Variants in RHBDD1 observed in about 807,000 individuals in gnomAD.
RHBDD1 encodes the protein rhomboid-related protein 4.
In RHBDD1, 38 loss-of-function variants were observed where a neutral mutation model predicts 36.3. That is an observed-to-expected ratio of 1.05 (90% CI 0.81 to 1.37). The LOEUF is 1.37. Ranked by LOEUF, RHBDD1 falls within the 40% of genes most tolerant of loss-of-function variation. The pLI, the probability that RHBDD1 is intolerant of heterozygous loss-of-function variation, is 0.00. For synonymous variants in RHBDD1, 151 were observed against 136.5 expected, an observed-to-expected ratio of 1.11 and a Z score of -0.74; for missense variants, 393 against 377.6, an observed-to-expected ratio of 1.04 and a Z score of -0.34.
intron 8 of RHBDD1, among the ~76,000 whole-genome samples, chr2:226,948,512 A>G (rs1429547469): frequency 2.0e-5 from 3 of 148,788 alleles, no homozygotes; most frequent in Non-Finnish European, 4.5e-5. Context: ...GCACATGTAT[A>G]CATATGTAAC....
chr2:226,869,558 A>G (rs1326588050), intron 5 of RHBDD1, among the ~76,000 whole-genome samples: 1 of 152,116 alleles, frequency 6.6e-6, no homozygotes, highest in Non-Finnish European at 1.5e-5. Flanking sequence ...CTTCGGGAGG[A>G]AAAAAAATCT....
At chr2:226,878,134 G>A (rs1945400337) in intron 5 of RHBDD1, among the ~76,000 whole-genome samples, 1 of 152,202 alleles carries the variant, frequency 6.6e-6, no homozygotes, top group Admixed American at 6.5e-5. Context: ...CGGGAAGACT[G>A]CTTAGCTTGT....
intron 8 of RHBDD1, among the ~76,000 whole-genome samples, chr2:226,918,329 T>A (rs1468156751): frequency 6.6e-6 from 1 of 151,998 alleles, no homozygotes; most frequent in Admixed American, 6.6e-5. Flanking sequence ...TTACAAACAA[T>A]CCAGTTCTAC....
At chr2:226,933,455 A>G (rs578232728) in intron 8 of RHBDD1, among the ~76,000 whole-genome samples, 4 of 152,180 alleles carry the variant, frequency 2.6e-5, no homozygotes, top group East Asian at 1.9e-4. Context: ...GAATTTCTTT[A>G]TATCATAGCC....
intron 8 of RHBDD1, among the ~76,000 whole-genome samples, chr2:226,981,144 A>G (rs1277913636): frequency 6.6e-6 from 1 of 151,976 alleles, no homozygotes; most frequent in Non-Finnish European, 1.5e-5. Context: ...GCATGTTCTC[A>G]CTCATAGGTG....
intron 3 of RHBDD1, 54 bp from the exon 4 acceptor site, chr2:226,864,550 T>C: frequency 1.5e-6 from 1 of 683,206 alleles, no homozygotes. Flanking sequence ...GAGTATGTCT[T>C]ATATATGTAC....
At chr2:226,818,401 C>T in the RHBDD1 span, among the ~76,000 whole-genome samples, 13 of 150,848 alleles carry the variant, frequency 8.6e-5, no homozygotes, top group Middle Eastern at 3.2e-3. Flanking sequence ...CTCCTGACCT[C>T]GTGATCTGCT....
chr2:226,866,084 T>A (rs1425091153), intron 4 of RHBDD1, among the ~76,000 whole-genome samples: 1 of 129,298 alleles, frequency 7.7e-6, no homozygotes, highest in African/African-American at 3.0e-5. Flanking sequence ...TTATTTATTT[T>A]TTTTGAGACG....
chr2:226,967,407 A>G lies in RHBDD1; in HGVS notation c.857-28024A>G, dbSNP rs1952723120. Among the ~76,000 whole-genome samples the G allele has an allele frequency of 2.6e-5, 4 of 152,166 alleles. 1 individual carries two copies. The South Asian group carries it at 8.3e-4, about 32-fold the overall frequency. On this transcript the variant is annotated intron_variant, in intron 8 of 8. Coordinates refer to ENST00000392062, the MANE Select transcript of RHBDD1 (RefSeq NM_001167608.3). ...CTTTATTTTATTATTATTATACTTT[A>G]AATTTTAGGGTACATGTGCACAATG...
intron 5 of RHBDD1, among the ~76,000 whole-genome samples, chr2:226,894,055 T>C (rs1307040817): frequency 1.3e-5 from 2 of 152,206 alleles, no homozygotes; most frequent in African/African-American, 4.8e-5. Context: ...AGTTGTACTT[T>C]GCTTTATTTG....
chr2:226,908,812 T>C lies in RHBDD1; in HGVS notation c.656-10T>C. ...GCTGCCATTAAAATGTTTATTTCTT[T>C]TACGTTTAGGCGGTTTTTCCTCCAG... On this transcript the variant is annotated splice_polypyrimidine_tract_variant and intron_variant, in intron 6 of 8. Transcript: ENST00000392062. 2 of 1,596,620 alleles carry C rather than the reference T, an allele frequency of 1.3e-6. No individual in the cohort carries two copies. The highest frequency in any genetic ancestry group is 2.2e-5 in the South Asian group (2 of 90,658).
intron 8 of RHBDD1, among the ~76,000 whole-genome samples, chr2:226,948,552 A>C (rs1229631322): frequency 7.1e-6 from 1 of 139,902 alleles, no homozygotes; most frequent in Non-Finnish European, 1.5e-5. Context: ...ATGTACCCTA[A>C]AACTTAAAGT....
At chr2:226,902,174 T>C (rs1192524468) in intron 5 of RHBDD1, among the ~76,000 whole-genome samples, 1 of 152,228 alleles carries the variant, frequency 6.6e-6, no homozygotes, top group Non-Finnish European at 1.5e-5. Context: ...CACGTGGAGC[T>C]AAGAACAGAA....
chr2:226,820,006 A>T, the RHBDD1 span, among the ~76,000 whole-genome samples: 1 of 149,368 alleles, frequency 6.7e-6, no homozygotes, highest in Non-Finnish European at 1.5e-5. Context: ...TTCTGAAAAA[A>T]ATTCAAGTCT....
chr2:226,915,764 G>C (rs1325596498), intron 8 of RHBDD1, among the ~76,000 whole-genome samples: 2 of 152,164 alleles, frequency 1.3e-5, no homozygotes, highest in Admixed American at 1.3e-4. Flanking sequence ...TGGAGAAGAA[G>C]GCATAAATCT....
At chr2:226,862,328 G>A (rs1943928400) in intron 3 of RHBDD1, among the ~76,000 whole-genome samples, 1 of 151,150 alleles carries the variant, frequency 6.6e-6, no homozygotes, top group Admixed American at 6.6e-5. Flanking sequence ...CCAGGTCACA[G>A]AGCTAGAAGA....
intron 8 of RHBDD1, among the ~76,000 whole-genome samples, chr2:226,984,266 G>A (rs977214054): frequency 6.6e-6 from 1 of 152,194 alleles, no homozygotes; most frequent in South Asian, 2.1e-4. Context: ...CCATGGACCC[G>A]GTGGCTTAAA....
chr2:226,923,896 C>T (rs1949498515), intron 8 of RHBDD1, among the ~76,000 whole-genome samples: 1 of 152,092 alleles, frequency 6.6e-6, no homozygotes, highest in Admixed American at 6.5e-5. Flanking sequence ...TCTCTCCCTT[C>T]AGGGAAGTGG....
At chr2:226,900,307 G>A (rs190447720) in intron 5 of RHBDD1, among the ~76,000 whole-genome samples, 194 of 152,202 alleles carry the variant, frequency 1.3e-3, no homozygotes, top group African/African-American at 4.5e-3. Context: ...AATTTGAATC[G>A]TGACGTTATT....
Sources: allele counts gnomAD v4.1 joint callset (sites outside exome capture counted in the v4.1 genomes callset), GRCh38; gene constraint gnomAD v4.1.1; transcripts MANE v1.5; gene names NCBI Gene and HGNC (gene_info 2026-07-23, HGNC 2026-07-21).